Variants in GABRA2 observed in about 807,000 individuals in gnomAD.
GABRA2 encodes gamma-aminobutyric acid type A receptor subunit alpha2.
A neutral mutation model predicts 48.7 loss-of-function variants in GABRA2; 16 were observed. The ratio of observed to expected loss-of-function variants is 0.33; its 90% CI spans 0.22 to 0.50. The LOEUF (loss-of-function observed/expected upper bound fraction) is 0.50, where lower values mean the gene tolerates loss of function less well. GABRA2 is among the 20% of genes least tolerant of loss of function. The pLI is 0.98. For missense variants in GABRA2, 275 were observed against 535.6 expected, an observed-to-expected ratio of 0.51 and a Z score of 4.80; for synonymous variants, 185 against 184.5, an observed-to-expected ratio of 1.00 and a Z score of -0.02.
intron 9 of GABRA2, among the ~76,000 whole-genome samples, chr4:46,253,859 T>C (rs1171748818): frequency 6.6e-6 from 1 of 151,448 alleles, no homozygotes; most frequent in African/African-American, 2.4e-5. Flanking sequence ...CAAAGTCTTA[T>C]TTTAAAGGGG....
At chr4:46,256,314 G>A (rs1715821640) in intron 9 of GABRA2, 1 of 693,932 alleles carries the variant, frequency 1.4e-6, no homozygotes, top group African/African-American at 1.8e-5. Context: ...TTAGCTCCTT[G>A]AAGAATTGCT....
At chr4:46,259,233 A>G (rs1294047420) in intron 9 of GABRA2, among the ~76,000 whole-genome samples, 6 of 151,940 alleles carry the variant, frequency 3.9e-5, no homozygotes, top group Non-Finnish European at 8.8e-5. Flanking sequence ...ACCGGATATG[A>G]AAAAGGGTTC....
At chr4:46,356,314 C>T (rs10805145) in intron 3 of GABRA2, among the ~76,000 whole-genome samples, 82,455 of 151,750 alleles carry the variant, frequency 0.54, 22,589 homozygotes, top group South Asian at 0.68. Flanking sequence ...GCCAATCTAT[C>T]TGTCAATTTT....
At chr4:46,313,396 GA>G (rs1480483258) in intron 4 of GABRA2, among the ~76,000 whole-genome samples, 1 of 151,880 alleles carries the variant, frequency 6.6e-6, no homozygotes, top group Non-Finnish European at 1.5e-5. Context: ...GTTTATTTAT[GA>G]CATTAGTTGT....
At chr4:46,258,074 A>C (rs1487916984) in intron 9 of GABRA2, among the ~76,000 whole-genome samples, 2 of 151,802 alleles carry the variant, frequency 1.3e-5, no homozygotes, top group African/African-American at 2.4e-5. Context: ...AATAGGTTAG[A>C]TATATTACCT....
chr4:46,325,202 C>G (rs986954005), intron 4 of GABRA2, among the ~76,000 whole-genome samples: 2 of 151,950 alleles, frequency 1.3e-5, no homozygotes, highest in Non-Finnish European at 2.9e-5. Flanking sequence ...TTTACATTCC[C>G]ACCAGCAGTA....
At chr4:46,262,260 GAATA>G (rs1282398477) in intron 8 of GABRA2, 132 bp from the exon 9 acceptor site, 1 of 580,948 alleles carries the variant, frequency 1.7e-6, no homozygotes, top group African/African-American at 1.9e-5. Flanking sequence ...ATAAATAAAT[GAATA>G]AATACTGGAA....
At chr4:46,287,446 G>C (rs1018196497) in intron 8 of GABRA2, among the ~76,000 whole-genome samples, 1 of 151,648 alleles carries the variant, frequency 6.6e-6, no homozygotes, top group African/African-American at 2.4e-5. Context: ...ATACTATGCA[G>C]CCATAAAAAA....
chr4:46,283,550 G>T (rs969776729), intron 8 of GABRA2, among the ~76,000 whole-genome samples: 41 of 152,080 alleles, frequency 2.7e-4, no homozygotes, highest in African/African-American at 9.9e-4. Context: ...AATGAATCAG[G>T]GCTATCTGTA....
chr4:46,336,437 C>T (rs1358580614), intron 3 of GABRA2, among the ~76,000 whole-genome samples: 1 of 152,134 alleles, frequency 6.6e-6, no homozygotes, highest in Non-Finnish European at 1.5e-5. Context: ...AACAGTTAAG[C>T]AGCTCCTAGC....
chr4:46,248,508 T>C lies in GABRA2; in HGVS notation c.*1800A>G, dbSNP rs1330519379. The stretch of plus-strand genomic sequence containing the variant: ...ATGGATTACCTCTTGTGAGGGAATT[T>C]TTAATGTCAAGGCTGTCTTCTTGGC... On this transcript the variant is annotated 3_prime_UTR_variant, in exon 10 of 10. Transcript: ENST00000381620. The C allele has an allele frequency of 6.6e-6, 1 of 151,482 alleles. No individual in the cohort carries two copies. Among genetic ancestry groups the C allele is most frequent in the African/African-American group, 2.4e-5 (1 of 41,386 alleles). 9.4% of individuals were successfully genotyped at this position (151,482 alleles called of 1,614,324 possible).
chr4:46,340,810 C>A (rs1361928441), intron 3 of GABRA2, among the ~76,000 whole-genome samples: 2 of 151,920 alleles, frequency 1.3e-5, no homozygotes, highest in African/African-American at 4.8e-5. Context: ...ACCATTATTT[C>A]TTTAAATAAT....
At chr4:46,368,812 T>C (rs994552747) in intron 3 of GABRA2, 3 of 417,726 alleles carry the variant, frequency 7.2e-6, no homozygotes, top group African/African-American at 6.1e-5. Context: ...ACTCTGATTT[T>C]AAATACTTAT....
rs572747162 is a variant in GABRA2 at position 46,246,168 on chromosome 4, C to T, written c.*4140G>A. Reference sequence around the variant, plus strand: ...CATATGTATAATTTATCTACTTTCTCGGAAGTTAAAAAGGGAAAAATGCTT... The same window carrying T: ...CATATGTATAATTTATCTACTTTCTTGGAAGTTAAAAAGGGAAAAATGCTT... On this transcript the variant is annotated 3_prime_UTR_variant, in exon 10 of 10. Transcript: ENST00000381620. 2.2e-4 allele frequency among the ~76,000 whole-genome samples: 33 copies of T among 150,816 alleles called. No individual in the cohort carries two copies. The highest frequency in any genetic ancestry group is 4.2e-4 in the Non-Finnish European group (28 of 67,382).
At chr4:46,270,375 A>C (rs534522935) in intron 8 of GABRA2, among the ~76,000 whole-genome samples, 1 of 152,116 alleles carries the variant, frequency 6.6e-6, no homozygotes, top group African/African-American at 2.4e-5. Context: ...ATAAACAGAG[A>C]GTACTGGACA....
At chr4:46,356,402 C>T (rs1253505572) in intron 3 of GABRA2, among the ~76,000 whole-genome samples, 1 of 145,754 alleles carries the variant, frequency 6.9e-6, no homozygotes, top group Non-Finnish European at 1.5e-5. Context: ...AGAAAACATA[C>T]TTGCAATTAT....
chr4:46,288,413 G>T (rs537732320), intron 8 of GABRA2, among the ~76,000 whole-genome samples: 1 of 151,974 alleles, frequency 6.6e-6, no homozygotes, highest in Non-Finnish European at 1.5e-5. Context: ...AACAGGCTTC[G>T]TACCTACACT....
intron 3 of GABRA2, among the ~76,000 whole-genome samples, chr4:46,362,869 G>A (rs1713432881): frequency 6.6e-6 from 1 of 152,196 alleles, no homozygotes; most frequent in Non-Finnish European, 1.5e-5. Context: ...GATATTATAT[G>A]CAGGATGCTG....
intron 3 of GABRA2, among the ~76,000 whole-genome samples, chr4:46,376,908 T>A (rs1002115296): frequency 2.6e-5 from 4 of 152,108 alleles, no homozygotes; most frequent in Admixed American, 6.5e-5. Flanking sequence ...CTGGTTTTCC[T>A]ATTTTTTTGG....
Sources: allele counts gnomAD v4.1 joint callset (sites outside exome capture counted in the v4.1 genomes callset), GRCh38; gene constraint gnomAD v4.1.1; transcripts MANE v1.5; gene names NCBI Gene and HGNC (gene_info 2026-07-23, HGNC 2026-07-21).